Variants in CIMAP1A observed in about 807,000 individuals in gnomAD.
CIMAP1A encodes ciliary microtubule associated protein 1A, also known as cancer/testis antigen 135.
chr11:197,511 G>C, the CIMAP1A span: 4 of 1,600,214 alleles, frequency 2.5e-6, no homozygotes, highest in South Asian at 2.2e-5. Context: ...TCCCAGCGGG[G>C]AGAAGGGCAG....
the CIMAP1A span, chr11:199,529 C>T: frequency 6.5e-7 from 1 of 1,548,704 alleles, no homozygotes; most frequent in East Asian, 2.4e-5. Flanking sequence ...GAGCACAGCT[C>T]AGAGGGGTCA....
the CIMAP1A span, chr11:199,985 C>T: frequency 6.2e-7 from 1 of 1,614,120 alleles, no homozygotes; most frequent in Non-Finnish European, 8.5e-7. Flanking sequence ...TCACCTTCGG[C>T]ATCAAACACT....
chr11:198,833 A>G, the CIMAP1A span: 1 of 1,376,606 alleles, frequency 7.3e-7, no homozygotes, highest in Admixed American at 3.4e-5. Flanking sequence ...GGGGTTTAGG[A>G]AGCACTGTCT....
the CIMAP1A span, chr11:197,856 A>G: frequency 6.6e-7 from 1 of 1,511,910 alleles, no homozygotes; most frequent in Non-Finnish European, 8.9e-7. Flanking sequence ...AGGGTGTGGG[A>G]GAGCTCAGCC....
the CIMAP1A span, chr11:198,805 G>A: frequency 4.9e-4 from 692 of 1,412,224 alleles, 2 homozygotes; most frequent in African/African-American, 5.6e-3. Context: ...AGCATGGACC[G>A]TGCTGAGGAC....
At chr11:198,708 C>T in the CIMAP1A span, 1 of 1,491,096 alleles carries the variant, frequency 6.7e-7, no homozygotes, top group East Asian at 2.4e-5. Context: ...CAGCCCTTCA[C>T]CCTCTGGGCA....
chr11:200,041 C>G, the CIMAP1A span: 1 of 1,612,290 alleles, frequency 6.2e-7, no homozygotes, highest in Middle Eastern at 1.6e-4. Flanking sequence ...TAACGCCAGC[C>G]CTGCTGTGCC....
At chr11:198,483 G>C in the CIMAP1A span, 7 of 1,613,190 alleles carry the variant, frequency 4.3e-6, no homozygotes, top group East Asian at 1.6e-4. Context: ...CGTACATGCT[G>C]CCCATGGTAA....
At chr11:196,937 G>A in the CIMAP1A span, 1 of 173,476 alleles carries the variant, frequency 5.8e-6, no homozygotes, top group Non-Finnish European at 1.2e-5. Context: ...TTCCCTCCCA[G>A]GCGGCCCCCT....
At chr11:197,345 GC>G in the CIMAP1A span, 2 of 1,594,302 alleles carry the variant, frequency 1.3e-6, no homozygotes, top group Non-Finnish European at 8.5e-7. Flanking sequence ...AGGCCCCATC[GC>G]CCCCGGGGAC....
At chr11:199,515 G>A in the CIMAP1A span, 1 of 1,552,558 alleles carries the variant, frequency 6.4e-7, no homozygotes, top group East Asian at 2.4e-5. Context: ...AGAAGGTCCA[G>A]GAAGAGCACA....
At chr11:199,283 G>A in the CIMAP1A span, 8 of 1,521,478 alleles carry the variant, frequency 5.3e-6, no homozygotes, top group Non-Finnish European at 7.1e-6. Flanking sequence ...TGACCCTGTT[G>A]ACTCAGAGCC....
chr11:199,231 A>G, the CIMAP1A span: 1 of 1,472,544 alleles, frequency 6.8e-7, no homozygotes. Context: ...AGTGTGACAG[A>G]AGACAGAAGG....
the CIMAP1A span, chr11:197,760 A>G: frequency 2.5e-6 from 4 of 1,613,318 alleles, no homozygotes; most frequent in Non-Finnish European, 3.4e-6. Context: ...CTCCTGGTCC[A>G]GGTTAGTGAC....
the CIMAP1A span, chr11:197,234 A>C: frequency 5.2e-4 from 574 of 1,100,744 alleles, 3 homozygotes; most frequent in South Asian, 9.1e-4. Flanking sequence ...CGGGGACATC[A>C]GGGGCCGGCA....
At chr11:198,856 G>A in the CIMAP1A span, 3 of 1,332,394 alleles carry the variant, frequency 2.3e-6, no homozygotes, top group Non-Finnish European at 2.9e-6. Flanking sequence ...AGAGAGAGAG[G>A]CAATCTTAGA....
chr11:199,232 A>G, the CIMAP1A span: 1 of 1,474,378 alleles, frequency 6.8e-7, no homozygotes, highest in Admixed American at 2.3e-5. Context: ...GTGTGACAGA[A>G]GACAGAAGGG....
the CIMAP1A span, chr11:199,109 C>T: frequency 3.0e-6 from 4 of 1,348,460 alleles, no homozygotes; most frequent in Non-Finnish European, 3.8e-6. Flanking sequence ...ACACGCTCAG[C>T]GATGTTCCCA....
At chr11:198,322 C>A in the CIMAP1A span, 842 of 1,613,744 alleles carry the variant, frequency 5.2e-4, 5 homozygotes, top group Middle Eastern at 5.4e-3. Flanking sequence ...CCCCAACCAT[C>A]CTCAGCCAAA....
Sources: gnomAD v4.1 joint callset for allele counts on GRCh38, gnomAD v4.1.1 for gene constraint, MANE v1.5 for transcripts, NCBI Gene and HGNC (gene_info 2026-07-23, HGNC 2026-07-21) for gene names.